The following HIRA variants were observed in gnomAD, a reference collection of about 807,000 sequenced individuals.
The protein encoded by HIRA is protein HIRA.
In HIRA, 13 loss-of-function variants were observed where a neutral mutation model predicts 126.6. The observed-to-expected ratio is 0.10, with a 90% CI of 0.07 to 0.16. HIRA has a LOEUF of 0.16. Among genes scored for constraint, HIRA ranks in the 10% least tolerant of loss-of-function variants. The pLI is 1.00. For synonymous variants in HIRA, 511 were observed against 520.0 expected, an observed-to-expected ratio of 0.98 and a Z score of 0.24; for missense variants, 834 against 1,314.4, an observed-to-expected ratio of 0.63 and a Z score of 5.65.
chr22:19,364,090 A>G (rs1198532928), intron 15 of HIRA, among the ~76,000 whole-genome samples: 12 of 151,942 alleles, frequency 7.9e-5, no homozygotes, highest in Admixed American at 7.9e-4. Flanking sequence ...GGAGGCGGGC[A>G]TGTGGGAACT....
intron 1 of HIRA, among the ~76,000 whole-genome samples, chr22:19,423,502 C>G (rs1027963311): frequency 1.7e-4 from 20 of 121,164 alleles, no homozygotes; most frequent in African/African-American, 6.5e-4. Flanking sequence ...CACACACACA[C>G]ACACACACAC....
At chr22:19,340,546 G>A (rs1199131873) in intron 24 of HIRA, among the ~76,000 whole-genome samples, 3 of 152,178 alleles carry the variant, frequency 2.0e-5, no homozygotes, top group Non-Finnish European at 2.9e-5. Flanking sequence ...GAAATAAAGG[G>A]CATCCAAATA....
At chr22:19,332,654 A>G (rs2088504046) in intron 24 of HIRA, among the ~76,000 whole-genome samples, 1 of 151,860 alleles carries the variant, frequency 6.6e-6, no homozygotes, top group African/African-American at 2.4e-5. Context: ...AAATACTCCA[A>G]AAGTGGTAAG....
chr22:19,351,299 A>C lies in HIRA; in HGVS notation c.2937+59T>G. ...CAAAGCACTTTGGCTTATTTAAAAA[A>C]TCTCCACCTTCATGTTTCAAGAAAG... On this transcript the variant is annotated intron_variant, in intron 24 of 24. Transcript: ENST00000263208. The surrounding 1 kb of genome is among the most constrained non-coding windows in gnomAD (Gnocchi z 4.8). 1.9e-6 allele frequency: 3 copies of C among 1,569,080 alleles called. No homozygotes were observed. Among genetic ancestry groups the C allele is most frequent in the Non-Finnish European group, 2.6e-6 (3 of 1,161,192 alleles).
chr22:19,347,523 G>A (rs1556009230), intron 24 of HIRA, among the ~76,000 whole-genome samples: 1 of 152,198 alleles, frequency 6.6e-6, no homozygotes, highest in Non-Finnish European at 1.5e-5. Context: ...ACTTCTGAGA[G>A]CTAATGTGTT....
In HIRA at chr22:19,383,649, C is replaced by G; in HGVS notation, c.1386G>C (p.Thr462=). The part of the protein sequence containing the change: ...TRTADGRRRI[T]PLCIAQLDTG... ...TGTCCAGCTGTGCTATGCAGAGAGGCGTGATTCTTCTCCGGCCATCTGCTG... is the reference window on the plus strand; with the variant it reads ...TGTCCAGCTGTGCTATGCAGAGAGGGGTGATTCTTCTCCGGCCATCTGCTG... The change falls in exon 13 of 25, where the codon ACG becomes ACC. Residue 462 remains threonine (T), a synonymous_variant. Coordinates refer to ENST00000263208, the MANE Select transcript of HIRA (RefSeq NM_003325.4). The G allele has an allele frequency of 6.2e-7, 1 of 1,614,076 alleles. No individual in the cohort carries two copies. Among genetic ancestry groups the G allele is most frequent in the South Asian group, 1.1e-5 (1 of 91,078 alleles).
chr22:19,395,783 C>T (rs1003250691), intron 7 of HIRA, among the ~76,000 whole-genome samples: 6 of 152,182 alleles, frequency 3.9e-5, no homozygotes, highest in African/African-American at 1.2e-4. Flanking sequence ...GGGCTTTAAG[C>T]TTCAAGAGGA....
intron 14 of HIRA, 22 bp from the exon 15 acceptor site, chr22:19,375,814 G>A: frequency 6.2e-7 from 1 of 1,612,944 alleles, no homozygotes; most frequent in Non-Finnish European, 8.5e-7. Context: ...AAGAGGGGAG[G>A]CATGTCAAGC....
chr22:19,422,632 C>A (rs2089457586), intron 1 of HIRA, among the ~76,000 whole-genome samples: 1 of 152,180 alleles, frequency 6.6e-6, no homozygotes. Context: ...CTGCTCAAAC[C>A]CTCCAGGCAA....
chr22:19,412,038 G>C (rs1648235747), intron 1 of HIRA, among the ~76,000 whole-genome samples: 1 of 152,352 alleles, frequency 6.6e-6, no homozygotes, highest in East Asian at 1.9e-4. Context: ...ATGTAGTATA[G>C]GTTGAGTATC....
chr22:19,382,775 T>C (rs113444553), intron 13 of HIRA, among the ~76,000 whole-genome samples: 2,559 of 148,562 alleles, frequency 0.017, 33 homozygotes, highest in Non-Finnish European at 0.025. Flanking sequence ...TTCTTTCTTT[T>C]TTTTTTTTTT....
intron 24 of HIRA, among the ~76,000 whole-genome samples, chr22:19,349,906 T>G (rs1204474386): frequency 1.1e-4 from 16 of 152,220 alleles, no homozygotes; most frequent in Admixed American, 1.0e-3. Flanking sequence ...TGCCTGGATG[T>G]TCTTCTCCCA....
intron 24 of HIRA, among the ~76,000 whole-genome samples, chr22:19,343,577 A>G (rs1556008115): frequency 1.3e-5 from 2 of 151,988 alleles, no homozygotes; most frequent in East Asian, 3.9e-4. Context: ...AATCTACAAC[A>G]TCGTGGAAGT....
chr22:19,422,804 C>G (rs1298843218), intron 1 of HIRA, among the ~76,000 whole-genome samples: 1 of 152,190 alleles, frequency 6.6e-6, no homozygotes, highest in Non-Finnish European at 1.5e-5. Flanking sequence ...GCAGCCCCAA[C>G]AGCTCCCTGT....
chr22:19,355,300 A>G (rs1217121619), intron 21 of HIRA, among the ~76,000 whole-genome samples: 1 of 152,178 alleles, frequency 6.6e-6, no homozygotes, highest in Non-Finnish European at 1.5e-5. Context: ...AGGGCTCCAA[A>G]TTCCTGAGTG....
At chr22:19,397,135 ACAG>A (rs1043111482) in intron 6 of HIRA, among the ~76,000 whole-genome samples, 188 bp from the exon 7 acceptor site, 1 of 152,200 alleles carries the variant, frequency 6.6e-6, no homozygotes, top group African/African-American at 2.4e-5. Flanking sequence ...TGAAGAAATG[ACAG>A]CATCAAGGAG....
At chr22:19,388,412 C>T in intron 10 of HIRA, 72 bp downstream of exon 10, 1 of 1,227,030 alleles carries the variant, frequency 8.1e-7, no homozygotes. Context: ...CTAGTCACAC[C>T]CAGAAGGCCT....
intron 15 of HIRA, among the ~76,000 whole-genome samples, chr22:19,365,402 T>C: frequency 6.6e-6 from 1 of 152,210 alleles, no homozygotes; most frequent in Non-Finnish European, 1.5e-5. Flanking sequence ...AGGCTGGTTA[T>C]CTTATTGAAG....
At chr22:19,417,515 G>A (rs915529975) in intron 1 of HIRA, among the ~76,000 whole-genome samples, 2 of 151,764 alleles carry the variant, frequency 1.3e-5, no homozygotes, top group South Asian at 2.1e-4. Flanking sequence ...CCAGCTACTC[G>A]GGAGGCTGAG....
Sources: gnomAD v4.1 joint callset for allele counts (sites outside exome capture counted in the v4.1 genomes callset) on GRCh38, gnomAD v4.1.1 for gene constraint, Gnocchi (gnomAD v3.1) non-coding constraint, MANE v1.5 for transcripts, NCBI Gene and HGNC (gene_info 2026-07-23, HGNC 2026-07-21) for gene names.